Variants in STOX2 observed in about 807,000 individuals in gnomAD.
The protein encoded by STOX2 is storkhead-box protein 2.
In STOX2, 28 loss-of-function variants were observed where a neutral mutation model predicts 60.9. The observed-to-expected ratio is 0.46, with a 90% confidence interval of 0.34 to 0.63. The LOEUF is 0.63. Among genes scored for constraint, STOX2 ranks in the 30% least tolerant of loss-of-function variants. STOX2 has a pLI of 0.01. For missense variants in STOX2, 1,024 were observed against 1,187.7 expected, an observed-to-expected ratio of 0.86 and a Z score of 2.03; for synonymous variants, 472 against 463.9, an observed-to-expected ratio of 1.02 and a Z score of -0.22.
intron 1 of STOX2, among the ~76,000 whole-genome samples, chr4:183,924,600 T>A (rs976117128): frequency 3.3e-5 from 5 of 152,134 alleles, no homozygotes; most frequent in African/African-American, 4.8e-5. Context: ...CTGAGCTTAA[T>A]GAGTCCCAGA....
Position 184,011,211 on chromosome 4 carries a change from G to A in STOX2, c.2373G>A (p.Glu791=). 1 of 1,607,418 alleles carries A rather than the reference G, an allele frequency of 6.2e-7. No individual in the cohort carries two copies. The highest frequency in any genetic ancestry group is 8.5e-7 in the Non-Finnish European group (1 of 1,177,318). Residue 791 remains glutamate (E), a synonymous_variant, in exon 3 of 4, where the codon GAG becomes GAA. Transcript: ENST00000308497. This position sits in a 1 kb window ranked among gnomAD's most constrained non-coding sequence, Gnocchi z 4.4. ...AGGAAGGGGCAAACAAGAACACAGA[G>A]GAGGAGAAAAATAGAGAGGACGTAG... is the stretch of plus-strand genomic sequence containing the variant. ...DSEEGANKNT[E]EEKNREDVGT...
chr4:183,883,959 C>T (rs1285355063), intron 1 of STOX2, among the ~76,000 whole-genome samples: 2 of 151,684 alleles, frequency 1.3e-5, no homozygotes, highest in African/African-American at 4.8e-5. Context: ...TCAAGTGATT[C>T]TCCCTCCCTC....
At chr4:183,984,467 G>C (rs567260327) in intron 1 of STOX2, among the ~76,000 whole-genome samples, 1 of 152,294 alleles carries the variant, frequency 6.6e-6, no homozygotes, top group Admixed American at 6.5e-5. Flanking sequence ...TTGTCCATGA[G>C]AGAGTGTGCA....
At chr4:183,926,914 G>A (rs1742258956) in intron 1 of STOX2, among the ~76,000 whole-genome samples, 2 of 152,180 alleles carry the variant, frequency 1.3e-5, no homozygotes, top group African/African-American at 4.8e-5. Flanking sequence ...GAGCCACCGG[G>A]CCCGACCACA....
At chr4:183,982,619 C>T (rs577283140) in intron 1 of STOX2, among the ~76,000 whole-genome samples, 20 of 152,308 alleles carry the variant, frequency 1.3e-4, no homozygotes, top group African/African-American at 4.8e-4. Context: ...CTACCCTGGG[C>T]ACTACTCCAA....
At chr4:183,852,592 A>G (rs549733855) in intron 1 of STOX2, among the ~76,000 whole-genome samples, 5 of 151,482 alleles carry the variant, frequency 3.3e-5, no homozygotes, top group South Asian at 2.1e-4. Context: ...ATGCTGCCTT[A>G]TCATACTCTC....
chr4:183,823,847 G>T (rs1024386972), intron 1 of STOX2, among the ~76,000 whole-genome samples: 1 of 152,116 alleles, frequency 6.6e-6, no homozygotes, highest in Admixed American at 6.5e-5. Context: ...AATCCTCTAG[G>T]GCGGGGATTT....
chr4:183,998,742 A>G (rs1350563554), intron 1 of STOX2, among the ~76,000 whole-genome samples: 3 of 151,858 alleles, frequency 2.0e-5, no homozygotes, highest in African/African-American at 7.3e-5. Context: ...GGGTCTCATC[A>G]TGTTGCCCAG....
rs192864175 is a variant in STOX2, at chr4:183,896,406, A to G, written c.364+98351A>G. Among the ~76,000 whole-genome samples, 7 of 152,292 alleles carry G rather than the reference A, an allele frequency of 4.6e-5. No homozygotes were observed. In the East Asian group the frequency reaches 1.2e-3, roughly 25 times the overall value. On this transcript the variant is annotated intron_variant, in intron 1 of 2. Coordinates refer to the STOX2 transcript ENST00000513034. ...TGCTGAGATTGGAGCATAGTGGCACAATCATAGCTCACTGCAGCCTCCATC... is the reference window on the plus strand; with the variant it reads ...TGCTGAGATTGGAGCATAGTGGCACGATCATAGCTCACTGCAGCCTCCATC...
intron 1 of STOX2, among the ~76,000 whole-genome samples, chr4:183,812,429 G>GT (rs1319736481): frequency 3.9e-5 from 6 of 152,126 alleles, no homozygotes; most frequent in Non-Finnish European, 8.8e-5. Context: ...CAATTTAAGG[G>GT]TTTTTAGATT....
chr4:184,016,649 A>C (rs1478650342), intron 3 of STOX2, among the ~76,000 whole-genome samples: 1 of 152,178 alleles, frequency 6.6e-6, no homozygotes, highest in African/African-American at 2.4e-5. Flanking sequence ...TCCAGAATGA[A>C]AATGGAATCA....
intron 1 of STOX2, among the ~76,000 whole-genome samples, chr4:183,977,045 A>G (rs1466966203): frequency 6.6e-6 from 1 of 152,162 alleles, no homozygotes; most frequent in Non-Finnish European, 1.5e-5. Context: ...ATTTATTTTT[A>G]TTTTTATAGA....
intron 1 of STOX2, chr4:183,798,099 A>G (rs67103969): frequency 0.53 from 650,511 of 1,222,568 alleles, 173,470 homozygotes; most frequent in East Asian, 0.63. Flanking sequence ...TTCCCACCGG[A>G]TCGCGTCCGT....
upstream of STOX2, among the ~76,000 whole-genome samples, chr4:183,900,626 G>A (rs1258054204): frequency 1.3e-5 from 2 of 152,072 alleles, no homozygotes; most frequent in Non-Finnish European, 2.9e-5. Context: ...GATGCAAATT[G>A]AAAAATCAAA....
chr4:183,979,233 C>T lies in STOX2; in HGVS notation c.167-22092C>T, dbSNP rs559925540. Among the ~76,000 whole-genome samples the T allele has an allele frequency of 3.3e-5, 5 of 152,084 alleles. No individual in the cohort carries two copies. In the South Asian group the frequency reaches 6.2e-4, roughly 19 times the overall value. The stretch of plus-strand genomic sequence containing the variant: ...CAGGAGAAACAAAAAGGTCGGGGGG[C>T]GGGCTAGGTGCTACACACTGTTAAA... On this transcript the variant is annotated intron_variant, in intron 1 of 3. Coordinates refer to ENST00000308497, the MANE Select transcript of STOX2 (RefSeq NM_020225.3).
chr4:183,832,538 T>G (rs967162888), intron 1 of STOX2, among the ~76,000 whole-genome samples: 2 of 138,768 alleles, frequency 1.4e-5, no homozygotes, highest in Admixed American at 1.6e-4. Context: ...TCACCCAGGC[T>G]GGAATGCAGT....
intron 1 of STOX2, among the ~76,000 whole-genome samples, chr4:183,883,843 C>T (rs1465683603): frequency 7.0e-6 from 1 of 142,584 alleles, no homozygotes; most frequent in African/African-American, 2.5e-5. Context: ...TCCACCAAAA[C>T]TAGTAAATTT....
At chr4:183,854,013 CAT>C (rs910155202) in intron 1 of STOX2, among the ~76,000 whole-genome samples, 1 of 152,240 alleles carries the variant, frequency 6.6e-6, no homozygotes, top group South Asian at 2.1e-4. Flanking sequence ...TTGCATGTCT[CAT>C]GTGGGATATC....
At chr4:183,957,892 G>A (rs1743296700) in intron 1 of STOX2, among the ~76,000 whole-genome samples, 1 of 150,792 alleles carries the variant, frequency 6.6e-6, no homozygotes, top group African/African-American at 2.4e-5. Context: ...TAGAACCCAA[G>A]AGAGTGAATA....
Sources: gnomAD v4.1 joint callset for allele counts (sites outside exome capture counted in the v4.1 genomes callset) on GRCh38, gnomAD v4.1.1 for gene constraint, Gnocchi (gnomAD v3.1) non-coding constraint, MANE v1.5 for transcripts, NCBI Gene and HGNC (gene_info 2026-07-23, HGNC 2026-07-21) for gene names.